The following RBM20 variants were observed in gnomAD, a reference collection of about 807,000 sequenced individuals.
RBM20 encodes the protein RNA binding motif protein 20.
Under a neutral mutation model 110.1 loss-of-function variants are expected in RBM20, and 51 were observed. That is an observed-to-expected ratio of 0.46 (90% confidence interval 0.37 to 0.59). The LOEUF is 0.59. RBM20 is among the 20% of genes least tolerant of loss of function. The pLI, the probability that RBM20 is intolerant of heterozygous loss-of-function variation, is 0.00. For synonymous variants in RBM20, 589 were observed against 618.2 expected, an observed-to-expected ratio of 0.95 and a Z score of 0.70; for missense variants, 1,512 against 1,574.9, an observed-to-expected ratio of 0.96 and a Z score of 0.68.
chr10:110,823,471 G>A lies in RBM20; in HGVS notation c.3317-9G>A, dbSNP rs899956804. The A allele has an allele frequency of 1.2e-6, 1 of 857,016 alleles. No individual in the cohort carries two copies. Among genetic ancestry groups the A allele is most frequent in the African/African-American group, 3.0e-5 (1 of 33,078 alleles). 53.1% of individuals were successfully genotyped at this position (857,016 alleles called of 1,614,324 possible). A position where few individuals can be genotyped will look rare whatever the true frequency, so the allele number is the denominator to read the frequency against. ...TTTTTTTTTTTTTGCCTTGGTTCATGTTTTGCAGAAAACTCCAGGTACGTG... is the reference window on the plus strand; with the variant it reads ...TTTTTTTTTTTTTGCCTTGGTTCATATTTTGCAGAAAACTCCAGGTACGTG... On this transcript the variant is annotated splice_polypyrimidine_tract_variant and intron_variant, in intron 11 of 13. Coordinates refer to ENST00000369519, the MANE Select transcript of RBM20 (RefSeq NM_001134363.3).
Position 110,694,292 on chromosome 10 carries a change from A to G in RBM20, c.191+49647A>G, listed in dbSNP as rs111288498. Among the ~76,000 whole-genome samples, 1,125 of 152,344 alleles carry G rather than the reference A, an allele frequency of 7.4e-3. 9 individuals are homozygous for G. The highest frequency in any genetic ancestry group is 0.034 in the Middle Eastern group (10 of 294). On this transcript the variant is annotated intron_variant, in intron 1 of 13. Coordinates refer to ENST00000369519, the MANE Select transcript of RBM20 (RefSeq NM_001134363.3). ...GCCAAAAGGCAGCCTTGATCCCCCAAAAGAAATTGATTCTGTAACCCAAAT... is the reference window on the plus strand; with the variant it reads ...GCCAAAAGGCAGCCTTGATCCCCCAGAAGAAATTGATTCTGTAACCCAAAT...
At chr10:110,674,334 G>A (rs537479174) in intron 1 of RBM20, among the ~76,000 whole-genome samples, 1 of 152,298 alleles carries the variant, frequency 6.6e-6, no homozygotes, top group East Asian at 1.9e-4. Context: ...ATGGGGAATT[G>A]CTTACAACAG....
chr10:110,752,173 A>G (rs1404552828), intron 1 of RBM20, among the ~76,000 whole-genome samples: 3 of 152,200 alleles, frequency 2.0e-5, no homozygotes, highest in African/African-American at 7.2e-5. Flanking sequence ...TCACTGCTCT[A>G]AACACCCTCT....
At chr10:110,643,470 C>A (rs1182887713), upstream of RBM20, among the ~76,000 whole-genome samples, 1 of 152,210 alleles carries the variant, frequency 6.6e-6, no homozygotes, top group South Asian at 2.1e-4. Flanking sequence ...CGCACGCGGG[C>A]GCCAGGGTAA....
rs144117232 is a variant in RBM20, at chr10:110,723,390, C to T, written c.192-57411C>T. ...CCTCTGGCAACCACTAAACTATTTC[C>T]TGTCTGTGTGGATTTGCCTCATCTG... On this transcript the variant is annotated intron_variant, in intron 1 of 13. Transcript: ENST00000369519. Among the ~76,000 whole-genome samples the T allele has an allele frequency of 2.9e-3, 436 of 152,270 alleles. 6 individuals carry two copies. The highest frequency in any genetic ancestry group is 9.7e-3 in the African/African-American group (403 of 41,540).
chr10:110,796,979 G>C (rs563732301), intron 5 of RBM20, among the ~76,000 whole-genome samples: 4 of 152,270 alleles, frequency 2.6e-5, no homozygotes, highest in African/African-American at 7.2e-5. Flanking sequence ...ACATTTCTAA[G>C]AGTGGAATGG....
intron 1 of RBM20, chr10:110,756,852 G>T (rs1053599848): frequency 2.0e-5 from 3 of 152,146 alleles, no homozygotes; most frequent in African/African-American, 7.2e-5. Context: ...CCCAAACTTG[G>T]TATCTCCTTG....
At chr10:110,769,430 C>T (rs894474155) in intron 1 of RBM20, among the ~76,000 whole-genome samples, 3 of 117,320 alleles carry the variant, frequency 2.6e-5, no homozygotes, top group African/African-American at 3.2e-5. Flanking sequence ...ATGCTTTCTC[C>T]CTTTCCAACA....
At position 110,730,913 on chromosome 10, in the gene RBM20, C is replaced by T. The variant is rs535685150; in HGVS notation, c.192-49888C>T. On this transcript the variant is annotated intron_variant, in intron 1 of 13. Coordinates refer to ENST00000369519, the MANE Select transcript of RBM20 (RefSeq NM_001134363.3). ...CACCCTCCTACTTGAAGTGTCAAGC[C>T]GCCCCCCATCCTGCTTAGAGCGTGC... Among the ~76,000 whole-genome samples the T allele has an allele frequency of 3.3e-5, 5 of 152,320 alleles. No individual in the cohort carries two copies. In the East Asian group the frequency reaches 9.6e-4, roughly 29 times the overall value.
At chr10:110,792,651 C>T (rs561201753) in intron 5 of RBM20, among the ~76,000 whole-genome samples, 39 of 152,338 alleles carry the variant, frequency 2.6e-4, no homozygotes, top group Admixed American at 1.6e-3. Flanking sequence ...ACACACTTGA[C>T]ATGAGTCTGT....
intron 7 of RBM20, among the ~76,000 whole-genome samples, chr10:110,800,999 G>A (rs1424124389): frequency 6.6e-6 from 1 of 152,164 alleles, no homozygotes; most frequent in Non-Finnish European, 1.5e-5. Flanking sequence ...ATGCACTTGA[G>A]CATATAACTA....
At chr10:110,794,332 T>G (rs1844521557) in intron 5 of RBM20, among the ~76,000 whole-genome samples, 1 of 152,204 alleles carries the variant, frequency 6.6e-6, no homozygotes. Context: ...CTAAATAAAA[T>G]ATTGGCAAAA....
chr10:110,677,553 C>T (rs969384727), intron 1 of RBM20, among the ~76,000 whole-genome samples: 2 of 152,150 alleles, frequency 1.3e-5, no homozygotes, highest in East Asian at 1.9e-4. Flanking sequence ...CTCCTGACCT[C>T]GTGATCTGCC....
intron 1 of RBM20, among the ~76,000 whole-genome samples, chr10:110,717,413 C>G (rs1459432072): frequency 3.3e-5 from 5 of 152,124 alleles, no homozygotes; most frequent in Non-Finnish European, 7.4e-5. Flanking sequence ...GGGTGATAAT[C>G]TTCAGGGAAA....
intron 1 of RBM20, among the ~76,000 whole-genome samples, chr10:110,679,931 C>G (rs116334184): frequency 6.6e-6 from 1 of 152,200 alleles, no homozygotes; most frequent in African/African-American, 2.4e-5. Context: ...CAGAGACGGT[C>G]GGCGGGCACC....
At chr10:110,825,133 T>A (rs1314939345) in intron 12 of RBM20, among the ~76,000 whole-genome samples, 1 of 152,000 alleles carries the variant, frequency 6.6e-6, no homozygotes, top group Non-Finnish European at 1.5e-5. Context: ...AACTTTAGAA[T>A]AAACTGAGAT....
chr10:110,708,383 G>A (rs1862873157), intron 1 of RBM20, among the ~76,000 whole-genome samples: 1 of 152,126 alleles, frequency 6.6e-6, no homozygotes, highest in Non-Finnish European at 1.5e-5. Context: ...ATGTGAATTT[G>A]TGAGGACCAG....
intron 1 of RBM20, among the ~76,000 whole-genome samples, chr10:110,776,650 G>C (rs1012691916): frequency 6.6e-6 from 1 of 152,188 alleles, no homozygotes; most frequent in Non-Finnish European, 1.5e-5. Flanking sequence ...GGACTCTTGT[G>C]ATTACATTGG....
intron 8 of RBM20, among the ~76,000 whole-genome samples, chr10:110,810,883 C>A (rs1312372942): frequency 6.6e-6 from 1 of 151,394 alleles, no homozygotes; most frequent in African/African-American, 2.4e-5. Flanking sequence ...TCGTTTAGAA[C>A]CAGCTCTTGG....
Sources: gnomAD v4.1 joint callset for allele counts (sites outside exome capture counted in the v4.1 genomes callset) on GRCh38, gnomAD v4.1.1 for gene constraint, MANE v1.5 for transcripts, NCBI Gene and HGNC (gene_info 2026-07-23, HGNC 2026-07-21) for gene names.